The following RIC8B variants were observed in gnomAD, a reference collection of about 807,000 sequenced individuals.
The protein encoded by RIC8B is RIC8 guanine nucleotide exchange factor B.
RIC8B carries 16 observed loss-of-function variants against 57.5 expected under a neutral mutation model. The observed-to-expected ratio is 0.28, with a 90% CI of 0.19 to 0.42. The LOEUF (loss-of-function observed/expected upper bound fraction) is 0.42, where lower values mean the gene tolerates loss of function less well. Ranked by LOEUF, RIC8B falls within the 10% of genes least tolerant of loss-of-function variation. RIC8B has a pLI of 1.00. For missense variants in RIC8B, 481 were observed against 677.0 expected (o/e 0.71, Z 3.21); for synonymous variants, 216 against 250.8 (o/e 0.86, Z 1.31).
intron 2 of RIC8B, among the ~76,000 whole-genome samples, chr12:106,803,044 TC>T (rs2044810428): frequency 6.6e-6 from 1 of 151,560 alleles, no homozygotes; most frequent in Non-Finnish European, 1.5e-5. Flanking sequence ...CAAGACCCTG[TC>T]TTTAAAAGTA....
chr12:106,813,001 G>T (rs1321066872), intron 2 of RIC8B, among the ~76,000 whole-genome samples: 1 of 151,952 alleles, frequency 6.6e-6, no homozygotes, highest in Non-Finnish European at 1.5e-5. Flanking sequence ...TTAATCAATT[G>T]TAGGTTGAAA....
In RIC8B at chr12:106,881,837, G is replaced by T. The variant is rs558902048; in HGVS notation, c.1572-4067G>T. ...GTTAGGATGGGGGTATGAGAAATAAGCCTGGGGTCAATTAGAACAAACAGT... is the reference window on the plus strand; with the variant it reads ...GTTAGGATGGGGGTATGAGAAATAATCCTGGGGTCAATTAGAACAAACAGT... On this transcript the variant is annotated intron_variant, in intron 9 of 9. Transcript: ENST00000392837. 3.9e-5 allele frequency among the ~76,000 whole-genome samples: 6 copies of T among 152,234 alleles called. No individual in the cohort carries two copies. In the South Asian group the frequency reaches 1.2e-3, roughly 32 times the overall value.
chr12:106,776,350 T>C (rs9651957), intron 1 of RIC8B, among the ~76,000 whole-genome samples: 52,560 of 152,106 alleles, frequency 0.35, 9,124 homozygotes, highest in South Asian at 0.38. Flanking sequence ...ACCCGATTTA[T>C]TACTGCTTTC....
chr12:106,809,699 T>G (rs1306907800), intron 2 of RIC8B, among the ~76,000 whole-genome samples: 1 of 151,998 alleles, frequency 6.6e-6, no homozygotes, highest in East Asian at 1.9e-4. Flanking sequence ...AAAAAAAAAT[T>G]TATGGATACG....
At chr12:106,814,182 A>G (rs550386698) in intron 2 of RIC8B, among the ~76,000 whole-genome samples, 2 of 152,208 alleles carry the variant, frequency 1.3e-5, no homozygotes, top group South Asian at 4.2e-4. Flanking sequence ...CCTTTTTGCA[A>G]TTGGCTCAAG....
At chr12:106,885,870 C>A in intron 9 of RIC8B, 34 bp from the exon 10 acceptor site, 1 of 1,433,138 alleles carries the variant, frequency 7.0e-7, no homozygotes, top group South Asian at 1.1e-5. Context: ...CTGGTGAATA[C>A]TTTTTTTTCT....
At chr12:106,803,107 G>C (rs1488193871) in intron 2 of RIC8B, among the ~76,000 whole-genome samples, 2 of 151,140 alleles carry the variant, frequency 1.3e-5, no homozygotes, top group Non-Finnish European at 2.9e-5. Context: ...AGCTACTTGG[G>C]AGGGTGAGGC....
intron 4 of RIC8B, among the ~76,000 whole-genome samples, chr12:106,841,139 C>T (rs994194421): frequency 6.6e-6 from 1 of 152,068 alleles, no homozygotes; most frequent in African/African-American, 2.4e-5. Flanking sequence ...TGATTATTTA[C>T]CAATAACCAA....
In RIC8B at chr12:106,815,123, A is replaced by G. The variant is rs201086209; in HGVS notation, c.560A>G (p.Gln187Arg). The change falls in exon 3 of 10, where the codon CAG becomes CGG. Residue 187 changes from glutamine to arginine, a missense_variant. Physicochemically the swap from Gln to Arg is conservative, Grantham distance 43. Transcript: ENST00000392837. ...AGGTCACAATTGCGCTATGAGCTCC[A>G]GGGACTACCGCTGCTAACGCAGATC... Reference protein sequence around the residue: ...DIRSQLRYELQGLPLLTQILE... With the variant: ...DIRSQLRYELRGLPLLTQILE... 1.2e-6 allele frequency: 2 copies of G among 1,614,258 alleles called. No homozygotes were observed. Among genetic ancestry groups the G allele is most frequent in the Non-Finnish European group, 1.7e-6 (2 of 1,180,038 alleles).
chr12:106,804,307 T>C (rs2044897230), intron 2 of RIC8B, among the ~76,000 whole-genome samples: 1 of 151,742 alleles, frequency 6.6e-6, no homozygotes, highest in Admixed American at 6.6e-5. Flanking sequence ...CTCCGCCTCC[T>C]GGGCCCAAGC....
chr12:106,882,237 C>A (rs1593416951), intron 9 of RIC8B, among the ~76,000 whole-genome samples: 1 of 152,082 alleles, frequency 6.6e-6, no homozygotes, highest in Non-Finnish European at 1.5e-5. Context: ...ATACTATACA[C>A]TTTGTATGTA....
chr12:106,818,275 T>G (rs936523305), intron 3 of RIC8B, among the ~76,000 whole-genome samples: 3 of 152,020 alleles, frequency 2.0e-5, no homozygotes, highest in Non-Finnish European at 4.4e-5. Flanking sequence ...CAAGCAATTC[T>G]CCTGCCTCAG....
chr12:106,807,065 TAGTA>T, intron 2 of RIC8B, among the ~76,000 whole-genome samples: 2 of 152,278 alleles, frequency 1.3e-5, no homozygotes, highest in Admixed American at 1.3e-4. Context: ...CCCCCACAAA[TAGTA>T]AGTCCTGTCA....
intron 5 of RIC8B, among the ~76,000 whole-genome samples, chr12:106,843,194 GA>G (rs1306062613): frequency 6.6e-6 from 1 of 151,946 alleles, no homozygotes; most frequent in African/African-American, 2.4e-5. Context: ...CCAAAAAAAA[GA>G]AAAAAGAAGA....
intron 3 of RIC8B, among the ~76,000 whole-genome samples, chr12:106,823,741 A>G (rs1393717119): frequency 1.3e-5 from 2 of 151,614 alleles, no homozygotes; most frequent in African/African-American, 4.9e-5. Flanking sequence ...CTGGAATGCA[A>G]TGGCATGATC....
chr12:106,862,222 GTCA>G (rs769534027), intron 8 of RIC8B, among the ~76,000 whole-genome samples: 2 of 152,010 alleles, frequency 1.3e-5, no homozygotes, highest in Non-Finnish European at 2.9e-5. Flanking sequence ...AGTCAGAATA[GTCA>G]TCATTGTGAA....
chr12:106,774,954 C>T, intron 1 of RIC8B, 125 bp downstream of exon 1: 1 of 723,476 alleles, frequency 1.4e-6, no homozygotes, highest in Non-Finnish European at 2.3e-6. Flanking sequence ...GAAAACGTTT[C>T]CGGCTTGGGC....
intron 2 of RIC8B, among the ~76,000 whole-genome samples, chr12:106,801,044 C>T (rs140210154): frequency 0.019 from 2,836 of 152,172 alleles, 48 homozygotes; most frequent in Middle Eastern, 0.048. Flanking sequence ...ATGAAGATAC[C>T]GCTGTATTTG....
chr12:106,809,522 CAA>C (rs201411394), intron 2 of RIC8B, among the ~76,000 whole-genome samples: 17 of 105,588 alleles, frequency 1.6e-4, no homozygotes, highest in African/African-American at 4.9e-4. Context: ...ACTCTTGTCT[CAA>C]AAAAAAAAAA....
Sources: gnomAD v4.1 joint callset for allele counts (sites outside exome capture counted in the v4.1 genomes callset) on GRCh38, gnomAD v4.1.1 for gene constraint, MANE v1.5 for transcripts, NCBI Gene and HGNC (gene_info 2026-07-23, HGNC 2026-07-21) for gene names.